The following HCN1 variants were observed in gnomAD, a reference collection of about 807,000 sequenced individuals.
HCN1 encodes hyperpolarization activated cyclic nucleotide gated potassium channel 1.
HCN1 carries 13 observed loss-of-function variants against 78.9 expected under a neutral mutation model. That is an observed-to-expected ratio of 0.16 (90% CI 0.11 to 0.26). HCN1 has a LOEUF of 0.26. Ranked by LOEUF, HCN1 falls within the 10% of genes least tolerant of loss-of-function variation. The pLI is 1.00. For synonymous variants in HCN1, 552 were observed against 455.5 expected, an observed-to-expected ratio of 1.21 and a Z score of -2.70; for missense variants, 810 against 1,154.3, an observed-to-expected ratio of 0.70 and a Z score of 4.32.
intron 2 of HCN1, among the ~76,000 whole-genome samples, chr5:45,617,003 T>C (rs1329156987): frequency 3.3e-5 from 5 of 152,064 alleles, no homozygotes; most frequent in African/African-American, 1.2e-4. Flanking sequence ...TCATTTATAA[T>C]GGCAAACTTT....
Position 45,308,370 on chromosome 5 carries a change from C to T in HCN1, c.1378-4531G>A, listed in dbSNP as rs1437613322. Reference sequence around the variant, plus strand: ...AGAAATCTGCAAATATAAAATTATTCTGAAAAAGCTTATTAAAGATGTAAT... The same window carrying T: ...AGAAATCTGCAAATATAAAATTATTTTGAAAAAGCTTATTAAAGATGTAAT... On this transcript the variant is annotated intron_variant, in intron 5 of 7. Transcript: ENST00000303230. Among the ~76,000 whole-genome samples the T allele has an allele frequency of 5.9e-5, 9 of 152,100 alleles. No homozygotes were observed. In the East Asian group the frequency reaches 1.7e-3, roughly 29 times the overall value.
intron 2 of HCN1, among the ~76,000 whole-genome samples, chr5:45,538,457 A>G (rs1246115512): frequency 6.6e-6 from 1 of 152,192 alleles, no homozygotes; most frequent in East Asian, 1.9e-4. Context: ...TGAGGTAAAT[A>G]CTTGTCATAA....
chr5:45,639,579 C>T (rs529344436), intron 2 of HCN1, among the ~76,000 whole-genome samples: 1 of 152,084 alleles, frequency 6.6e-6, no homozygotes. Flanking sequence ...AAAATTGAAA[C>T]CTCCAATATA....
intron 2 of HCN1, among the ~76,000 whole-genome samples, chr5:45,533,113 C>A (rs2111807138): frequency 6.6e-6 from 1 of 152,290 alleles, no homozygotes; most frequent in African/African-American, 2.4e-5. Flanking sequence ...AATTCTGAAT[C>A]ATGCCAGGTT....
chr5:45,446,153 G>A (rs1057376833), intron 3 of HCN1, among the ~76,000 whole-genome samples: 74 of 148,164 alleles, frequency 5.0e-4, no homozygotes, highest in Non-Finnish European at 8.2e-4. Context: ...AAATTTAGAC[G>A]AATGTATAAC....
chr5:45,548,904 A>T (rs1743292153), intron 2 of HCN1, among the ~76,000 whole-genome samples: 1 of 151,574 alleles, frequency 6.6e-6, no homozygotes, highest in African/African-American at 2.4e-5. Flanking sequence ...CAATTGCTTC[A>T]AAGAGAATAA....
rs190666613 is a variant in HCN1 at position 45,525,119 on chromosome 5, G to C, written c.850-63112C>G. Among the ~76,000 whole-genome samples the C allele has an allele frequency of 2.8e-3, 421 of 152,064 alleles. 3 individuals carry two copies. Among genetic ancestry groups the C allele is most frequent in the African/African-American group, 9.7e-3 (401 of 41,488 alleles). On this transcript the variant is annotated intron_variant, in intron 2 of 7. Coordinates refer to ENST00000303230, the MANE Select transcript of HCN1 (RefSeq NM_021072.4). Reference sequence around the variant, plus strand: ...TTTCTGCCTCTATTGAGATAATCGTGGTTTTTGTCTTTGGTTCTGTTTATA... The same window carrying C: ...TTTCTGCCTCTATTGAGATAATCGTCGTTTTTGTCTTTGGTTCTGTTTATA...
At chr5:45,347,403 C>T (rs1056596096) in intron 5 of HCN1, among the ~76,000 whole-genome samples, 5 of 152,036 alleles carry the variant, frequency 3.3e-5, no homozygotes, top group African/African-American at 1.2e-4. Flanking sequence ...TCGATAAAAC[C>T]ACAAAGATGG....
intron 5 of HCN1, among the ~76,000 whole-genome samples, chr5:45,315,692 G>A (rs1173997576): frequency 1.3e-5 from 2 of 152,044 alleles, no homozygotes; most frequent in Non-Finnish European, 2.9e-5. Flanking sequence ...AGAAAAGAGA[G>A]AAGAATGAAA....
chr5:45,616,804 TC>T (rs1176952976), intron 2 of HCN1, among the ~76,000 whole-genome samples: 1 of 152,016 alleles, frequency 6.6e-6, no homozygotes, highest in Non-Finnish European at 1.5e-5. Flanking sequence ...GCTCCATTTT[TC>T]CTTCGATTTT....
intron 6 of HCN1, among the ~76,000 whole-genome samples, chr5:45,272,707 T>A (rs1020870332): frequency 1.3e-5 from 2 of 152,094 alleles, no homozygotes; most frequent in African/African-American, 4.8e-5. Flanking sequence ...TCTCTGAGGT[T>A]TTGTGCAATG....
At chr5:45,335,495 T>A (rs992829151) in intron 5 of HCN1, among the ~76,000 whole-genome samples, 3 of 152,198 alleles carry the variant, frequency 2.0e-5, no homozygotes, top group African/African-American at 7.2e-5. Context: ...ACTAGCAGAT[T>A]GTTTGAATAC....
intron 6 of HCN1, among the ~76,000 whole-genome samples, chr5:45,272,403 TTC>T (rs1208629900): frequency 6.6e-6 from 1 of 152,108 alleles, no homozygotes; most frequent in Non-Finnish European, 1.5e-5. Flanking sequence ...TCTACTGAAT[TTC>T]TGTTTCCTAA....
intron 5 of HCN1, among the ~76,000 whole-genome samples, chr5:45,319,935 T>G (rs1396752500): frequency 2.0e-5 from 3 of 151,882 alleles, no homozygotes; most frequent in African/African-American, 7.2e-5. Context: ...TAAAGTCCAA[T>G]TTCGTGAAAC....
At chr5:45,448,418 CA>C (rs1437536847) in intron 3 of HCN1, among the ~76,000 whole-genome samples, 5 of 152,172 alleles carry the variant, frequency 3.3e-5, no homozygotes, top group Admixed American at 6.5e-5. Flanking sequence ...AACATTCTGT[CA>C]TTTATGTGGA....
At chr5:45,441,965 C>T (rs903972773) in intron 3 of HCN1, among the ~76,000 whole-genome samples, 1 of 152,042 alleles carries the variant, frequency 6.6e-6, no homozygotes, top group Non-Finnish European at 1.5e-5. Context: ...ATTATTTTTT[C>T]CCTTGCAACA....
intron 2 of HCN1, among the ~76,000 whole-genome samples, chr5:45,619,060 A>G (rs1745010502): frequency 6.6e-6 from 1 of 152,102 alleles, no homozygotes; most frequent in South Asian, 2.1e-4. Flanking sequence ...AAATGGTTTT[A>G]GCACTTAACT....
rs1744590836 is a variant in HCN1, at chr5:45,255,569, A to G, written c.*6352T>C. On this transcript the variant is annotated 3_prime_UTR_variant, in exon 8 of 8. Transcript: ENST00000303230. ...CACGCAAGAACATTTAGAACTGCAC[A>G]TTTTAAACAGAATTGTAATATGTTA... is the stretch of plus-strand genomic sequence containing the variant. 5 of 152,340 alleles carry G rather than the reference A, an allele frequency of 3.3e-5. No homozygotes were observed. The South Asian group carries it at 1.0e-3, about 32-fold the overall frequency. The allele number at this position is 152,340 out of a possible 1,614,324, so 9.4% of individuals were successfully genotyped here. A position where few individuals can be genotyped will look rare whatever the true frequency, so the allele number is the denominator to read the frequency against.
chr5:45,396,779 T>C (rs1344596589), intron 3 of HCN1, 69 bp from the exon 4 acceptor site: 2 of 1,131,928 alleles, frequency 1.8e-6, no homozygotes, highest in Non-Finnish European at 2.7e-6. Context: ...GAGTAGGACC[T>C]GTACACAGAA....
Sources: allele counts gnomAD v4.1 joint callset (sites outside exome capture counted in the v4.1 genomes callset), GRCh38; gene constraint gnomAD v4.1.1; transcripts MANE v1.5; gene names NCBI Gene and HGNC (gene_info 2026-07-23, HGNC 2026-07-21).